The following TRPM3 variants were observed in gnomAD, a reference collection of about 807,000 sequenced individuals.
TRPM3 encodes long transient receptor potential channel 3.
TRPM3 carries 77 observed loss-of-function variants against 181.2 expected under a neutral mutation model. That is an observed-to-expected ratio of 0.42 (90% confidence interval 0.35 to 0.51). TRPM3 has a LOEUF of 0.51. Ranked by LOEUF, TRPM3 falls within the 20% of genes least tolerant of loss-of-function variation. The pLI is 0.01. For missense variants in TRPM3, 1,759 were observed against 2,196.7 expected (o/e 0.80, Z 3.98); for synonymous variants, 745 against 796.4 (o/e 0.94, Z 1.09).
At chr9:71,250,009 A>G (rs2309908) in intron 1 of TRPM3, among the ~76,000 whole-genome samples, 64,671 of 152,026 alleles carry the variant, frequency 0.43, 14,196 homozygotes, top group East Asian at 0.52. Flanking sequence ...TCTTTCATGC[A>G]GTCCTTAATT....
chr9:71,274,132 C>T (rs1298367324), intron 1 of TRPM3, among the ~76,000 whole-genome samples: 2 of 152,164 alleles, frequency 1.3e-5, no homozygotes, highest in African/African-American at 4.8e-5. Flanking sequence ...CCAGGCTGCT[C>T]AAAGCCTCAG....
intron 1 of TRPM3, among the ~76,000 whole-genome samples, chr9:71,234,195 G>A (rs551372651): frequency 6.6e-6 from 1 of 152,176 alleles, no homozygotes; most frequent in Non-Finnish European, 1.5e-5. Context: ...ATATAGAGCT[G>A]CATTCACGTC....
At chr9:71,109,888 A>C (rs1306788253) in intron 1 of TRPM3, among the ~76,000 whole-genome samples, 1 of 152,130 alleles carries the variant, frequency 6.6e-6, no homozygotes, top group African/African-American at 2.4e-5. Context: ...TATGAAGCTC[A>C]TTTCATTTGA....
At position 71,003,405 on chromosome 9, in the gene TRPM3, GTT is replaced by G. The variant is rs57009325; in HGVS notation, c.177+117771_177+117772del. Among the ~76,000 whole-genome samples, 583 of 144,960 alleles carry G rather than the reference GTT, an allele frequency of 4.0e-3. 4 individuals carry two copies. The East Asian group carries it at 0.045, about 11-fold the overall frequency. On this transcript the variant is annotated intron_variant, in intron 1 of 25. Coordinates refer to ENST00000677713, the MANE Select transcript of TRPM3 (RefSeq NM_001366145.2). ...TGCAATAAATAATTTTGTGCATATG[GTT>G]TTTTTTTTTTTGTACTTGTTAAGGT...
intron 1 of TRPM3, among the ~76,000 whole-genome samples, chr9:71,196,387 A>G (rs762698843): frequency 6.6e-6 from 1 of 151,990 alleles, no homozygotes; most frequent in Non-Finnish European, 1.5e-5. Context: ...TCAATTTTCA[A>G]AAGTCTTCCC....
rs1449332498 is a variant in TRPM3, at chr9:70,531,706, A to G, written c.*4247T>C. 1 of 152,200 alleles carries G rather than the reference A, an allele frequency of 6.6e-6. No homozygotes were observed. The highest frequency in any genetic ancestry group is 1.5e-5 in the Non-Finnish European group (1 of 68,038). The allele number at this position is 152,200 out of a possible 1,614,324, so 9.4% of individuals were successfully genotyped here. A position where few individuals can be genotyped will look rare whatever the true frequency, so the allele number is the denominator to read the frequency against. On this transcript the variant is annotated 3_prime_UTR_variant, in exon 26 of 26. Transcript: ENST00000677713. ...ATGGGGTTGGCAGATGTAAACAGCT[A>G]ATTCAACTGGAGTTTAAAATATCAT...
At position 70,696,285 on chromosome 9, in the gene TRPM3, C is replaced by T. The variant is rs368610090; in HGVS notation, c.1273-14707G>A. Among the ~76,000 whole-genome samples the T allele has an allele frequency of 1.4e-3, 206 of 152,290 alleles. 3 individuals are homozygous for T. In the South Asian group the frequency reaches 0.019, roughly 14 times the overall value. On this transcript the variant is annotated intron_variant, in intron 8 of 25. Transcript: ENST00000677713. Reference sequence around the variant, plus strand: ...CTCCCGATTAGGTTCAGGTTAGTCACGGAAGGAGTATTAGTTGCCCAATGT... The same window carrying T: ...CTCCCGATTAGGTTCAGGTTAGTCATGGAAGGAGTATTAGTTGCCCAATGT...
intron 3 of TRPM3, among the ~76,000 whole-genome samples, chr9:70,850,371 T>C (rs1208128957): frequency 4.6e-5 from 7 of 152,114 alleles, no homozygotes. Context: ...GTTAAAAATC[T>C]TCATTGAGAG....
intron 8 of TRPM3, among the ~76,000 whole-genome samples, chr9:70,687,316 T>A (rs949365955): frequency 6.6e-5 from 10 of 152,218 alleles, no homozygotes; most frequent in African/African-American, 2.4e-4. Context: ...CTCACCAATA[T>A]GAATTTTAAT....
At chr9:71,152,173 C>T (rs2075771362) in intron 1 of TRPM3, among the ~76,000 whole-genome samples, 1 of 152,122 alleles carries the variant, frequency 6.6e-6, no homozygotes, top group Non-Finnish European at 1.5e-5. Flanking sequence ...CTTCAACTTG[C>T]TCTGTAATAA....
At chr9:70,903,332 C>G (rs1439406854) in intron 1 of TRPM3, among the ~76,000 whole-genome samples, 2 of 152,132 alleles carry the variant, frequency 1.3e-5, no homozygotes, top group Non-Finnish European at 2.9e-5. Flanking sequence ...CATTAATACA[C>G]AGAGAAATGA....
chr9:70,545,501 C>CATATGCA (rs910555500), intron 25 of TRPM3, among the ~76,000 whole-genome samples: 11 of 149,418 alleles, frequency 7.4e-5, no homozygotes, highest in East Asian at 3.9e-4. Context: ...ATGATCTTCA[C>CATATGCA]ATATGCAAAA....
chr9:71,350,738 G>T (rs1027085932), intron 1 of TRPM3, among the ~76,000 whole-genome samples: 3 of 152,026 alleles, frequency 2.0e-5, no homozygotes, highest in African/African-American at 7.2e-5. Context: ...ATATGAAATT[G>T]CCAGCTCTGT....
intron 1 of TRPM3, among the ~76,000 whole-genome samples, chr9:70,923,830 A>C (rs147004911): frequency 0.16 from 19,823 of 126,662 alleles, 1,254 homozygotes; most frequent in African/African-American, 0.17. Flanking sequence ...CTCTCTCTCT[A>C]TATATATATA....
intron 9 of TRPM3, among the ~76,000 whole-genome samples, chr9:70,680,350 T>C (rs974380257): frequency 6.6e-6 from 1 of 152,182 alleles, no homozygotes; most frequent in Admixed American, 6.6e-5. Context: ...TGGTAGCACA[T>C]GATGGGTCCT....
chr9:70,751,026 C>A (rs1238738762), intron 8 of TRPM3, among the ~76,000 whole-genome samples: 1 of 150,950 alleles, frequency 6.6e-6, no homozygotes, highest in African/African-American at 2.4e-5. Flanking sequence ...TGAGACTTAG[C>A]AATTGAGACT....
intron 6 of TRPM3, among the ~76,000 whole-genome samples, chr9:70,786,286 G>A (rs2083565080): frequency 8.7e-6 from 1 of 114,344 alleles, no homozygotes; most frequent in Non-Finnish European, 1.7e-5. Context: ...CCAACATGGT[G>A]AAACCCTGTC....
At chr9:70,642,558 C>T (rs1305218854) in intron 9 of TRPM3, among the ~76,000 whole-genome samples, 2 of 152,150 alleles carry the variant, frequency 1.3e-5, no homozygotes, top group African/African-American at 4.8e-5. Context: ...CAGGGTGCAT[C>T]CCATACCAAT....
intron 1 of TRPM3, among the ~76,000 whole-genome samples, chr9:70,907,018 T>C (rs1361875730): frequency 5.3e-5 from 8 of 152,248 alleles, no homozygotes; most frequent in Admixed American, 5.2e-4. Context: ...ATGAGAGCTG[T>C]ATACATTTGT....
Sources: allele counts gnomAD v4.1 joint callset (sites outside exome capture counted in the v4.1 genomes callset), GRCh38; gene constraint gnomAD v4.1.1; transcripts MANE v1.5; gene names NCBI Gene and HGNC (gene_info 2026-07-23, HGNC 2026-07-21).